Variants in ELMO1 observed in about 807,000 individuals in gnomAD.
The protein encoded by ELMO1 is engulfment and cell motility 1.
Under a neutral mutation model 98.9 loss-of-function variants are expected in ELMO1, and 26 were observed. That is an observed-to-expected ratio of 0.26 (90% CI 0.19 to 0.36). The LOEUF is 0.36. Ranked by LOEUF, ELMO1 falls within the 10% of genes least tolerant of loss-of-function variation. The pLI, the probability that ELMO1 is intolerant of heterozygous loss-of-function variation, is 1.00. For missense variants in ELMO1, 627 were observed against 935.2 expected (o/e 0.67, Z 4.30); for synonymous variants, 346 against 346.0 (o/e 1.00, Z 0.00).
chr7:37,198,168 A>C (rs540556846), intron 13 of ELMO1, among the ~76,000 whole-genome samples: 1 of 152,192 alleles, frequency 6.6e-6, no homozygotes, highest in African/African-American at 2.4e-5. Flanking sequence ...GAGGGGTATA[A>C]AAGTCCTGCA....
At chr7:37,359,215 C>A (rs1200744867) in intron 1 of ELMO1, among the ~76,000 whole-genome samples, 1 of 152,218 alleles carries the variant, frequency 6.6e-6, no homozygotes, top group Non-Finnish European at 1.5e-5. Flanking sequence ...GGACTATCTG[C>A]TTTACTGCAG....
At chr7:36,873,054 T>C (rs2129041845) in intron 19 of ELMO1, among the ~76,000 whole-genome samples, 1 of 152,302 alleles carries the variant, frequency 6.6e-6, no homozygotes, top group South Asian at 2.1e-4. Context: ...CACTAGGTTT[T>C]GTGGAAGTAC....
intron 1 of ELMO1, among the ~76,000 whole-genome samples, chr7:37,360,814 A>G (rs1475526322): frequency 6.6e-6 from 1 of 152,252 alleles, no homozygotes; most frequent in African/African-American, 2.4e-5. Context: ...CATTGTTCTC[A>G]GGAAAATTTT....
chr7:37,004,529 A>T (rs981596383), intron 16 of ELMO1, among the ~76,000 whole-genome samples: 2 of 152,196 alleles, frequency 1.3e-5, no homozygotes, highest in African/African-American at 4.8e-5. Context: ...GGCAAATCTC[A>T]AGTTAGCACG....
At chr7:37,429,331 G>A (rs1038522135) in intron 1 of ELMO1, 14 of 152,234 alleles carry the variant, frequency 9.2e-5, no homozygotes, top group African/African-American at 3.4e-4. Flanking sequence ...GCAGACTAAG[G>A]GATGGAACAG....
At chr7:36,903,826 C>T (rs549943494) in intron 16 of ELMO1, among the ~76,000 whole-genome samples, 7 of 152,362 alleles carry the variant, frequency 4.6e-5, no homozygotes, top group Admixed American at 1.3e-4. Flanking sequence ...CCGCTTGTTA[C>T]TGCCCACAGT....
chr7:37,354,715 T>C (rs1022724230), intron 1 of ELMO1, among the ~76,000 whole-genome samples: 1 of 152,172 alleles, frequency 6.6e-6, no homozygotes, highest in Non-Finnish European at 1.5e-5. Context: ...CACTCGGTGA[T>C]GTGTGCAGAC....
At chr7:37,098,903 C>T (rs535208865) in intron 14 of ELMO1, among the ~76,000 whole-genome samples, 4 of 152,150 alleles carry the variant, frequency 2.6e-5, no homozygotes, top group Non-Finnish European at 2.9e-5. Flanking sequence ...TAGTTTTCCT[C>T]GGCTCCCAGC....
chr7:36,948,257 C>T (rs1344258054), intron 16 of ELMO1, among the ~76,000 whole-genome samples: 1 of 152,116 alleles, frequency 6.6e-6, no homozygotes, highest in Non-Finnish European at 1.5e-5. Flanking sequence ...ACCACTATGT[C>T]CTGCACTGGT....
At chr7:37,406,412 T>C (rs190378776) in intron 1 of ELMO1, among the ~76,000 whole-genome samples, 4 of 149,880 alleles carry the variant, frequency 2.7e-5, no homozygotes, top group Non-Finnish European at 4.4e-5. Flanking sequence ...GAAAGAAAAA[T>C]GAAAGTGAGG....
At chr7:36,903,149 T>C (rs1783703710) in intron 16 of ELMO1, among the ~76,000 whole-genome samples, 1 of 152,178 alleles carries the variant, frequency 6.6e-6, no homozygotes, top group Non-Finnish European at 1.5e-5. Context: ...CAATCTTGTC[T>C]CACTAGGATT....
At chr7:37,118,651 C>T (rs999021497) in intron 14 of ELMO1, among the ~76,000 whole-genome samples, 5 of 152,156 alleles carry the variant, frequency 3.3e-5, no homozygotes, top group African/African-American at 9.7e-5. Flanking sequence ...TATGTGCTGG[C>T]GGTGTGCTCA....
At chr7:36,911,272 T>TA (rs1562817430) in intron 16 of ELMO1, among the ~76,000 whole-genome samples, 2 of 151,820 alleles carry the variant, frequency 1.3e-5, no homozygotes, top group Admixed American at 6.6e-5. Context: ...ACCTAAAGAA[T>TA]AAAAAATACA....
intron 1 of ELMO1, among the ~76,000 whole-genome samples, chr7:37,350,161 G>C (rs1801194938): frequency 6.6e-6 from 1 of 152,156 alleles, no homozygotes; most frequent in South Asian, 2.1e-4. Context: ...GAAGTTTGTG[G>C]CTTCAGAAAT....
At chr7:37,087,171 C>T (rs1248032464) in intron 15 of ELMO1, among the ~76,000 whole-genome samples, 1 of 152,050 alleles carries the variant, frequency 6.6e-6, no homozygotes, top group Non-Finnish European at 1.5e-5. Context: ...TTCGTTTATT[C>T]ACTATCTAGC....
chr7:37,233,101 A>G lies in ELMO1; in HGVS notation c.543T>C (p.Ile181=). ...VSWDTFSVAF[I]KKIASFVNKS... is the part of the protein sequence containing the mutation. Reference sequence around the variant, plus strand: ...GAGGCAGAGTCCACCTTACCTTCTTAATGAACGCCACCGAAAATGTATCCC... The same window carrying G: ...GAGGCAGAGTCCACCTTACCTTCTTGATGAACGCCACCGAAAATGTATCCC... Residue 181 remains isoleucine (I), a synonymous_variant, in exon 8 of 22, where the codon ATT becomes ATC. Transcript: ENST00000310758. The G allele has an allele frequency of 6.2e-7, 1 of 1,613,234 alleles. No homozygotes were observed. The highest frequency in any genetic ancestry group is 8.5e-7 in the Non-Finnish European group (1 of 1,179,612).
chr7:36,974,718 T>A (rs1016883455), intron 16 of ELMO1, among the ~76,000 whole-genome samples: 6 of 152,124 alleles, frequency 3.9e-5, no homozygotes, highest in Admixed American at 2.0e-4. Flanking sequence ...CCTTCCACAC[T>A]GGGGAAGCTT....
At chr7:37,390,887 A>G (rs1289483203) in intron 1 of ELMO1, among the ~76,000 whole-genome samples, 2 of 152,204 alleles carry the variant, frequency 1.3e-5, no homozygotes, top group African/African-American at 4.8e-5. Context: ...GGGGCAGGAC[A>G]CCAAATTGAC....
At chr7:37,274,656 G>A (rs1253453088) in intron 4 of ELMO1, among the ~76,000 whole-genome samples, 2 of 152,050 alleles carry the variant, frequency 1.3e-5, no homozygotes, top group South Asian at 4.2e-4. Context: ...AGGTTCAAGC[G>A]ATTCTCCTGC....
Sources: gnomAD v4.1 joint callset for allele counts (sites outside exome capture counted in the v4.1 genomes callset) on GRCh38, gnomAD v4.1.1 for gene constraint, MANE v1.5 for transcripts, NCBI Gene and HGNC (gene_info 2026-07-23, HGNC 2026-07-21) for gene names.